PRKN: variants seen among roughly 807,000 people sequenced by gnomAD.
The protein encoded by PRKN is E3 ubiquitin-protein ligase parkin.
A neutral mutation model predicts 59.5 loss-of-function variants in PRKN; 56 were observed. The observed-to-expected ratio is 0.94, with a 90% CI of 0.76 to 1.18. The LOEUF is 1.18. PRKN is among the 50% of genes most tolerant of loss of function. PRKN has a pLI of 0.00. For synonymous variants in PRKN, 250 were observed against 222.1 expected (o/e 1.13, Z -1.12); for missense variants, 657 against 596.4 (o/e 1.10, Z -1.06).
intron 4 of PRKN, among the ~76,000 whole-genome samples, chr6:162,083,269 A>C (rs1369522267): frequency 4.6e-5 from 7 of 152,108 alleles, no homozygotes; most frequent in Admixed American, 3.9e-4. Context: ...TCACTCTAAC[A>C]GATTAATAAT....
At chr6:161,916,988 G>A (rs189723906) in intron 6 of PRKN, among the ~76,000 whole-genome samples, 73 of 151,976 alleles carry the variant, frequency 4.8e-4, no homozygotes, top group African/African-American at 1.5e-3. Context: ...ATTTTTAGTA[G>A]AGAGAGGGTT....
intron 2 of PRKN, among the ~76,000 whole-genome samples, chr6:162,321,061 T>C (rs1173667902): frequency 1.3e-5 from 2 of 151,570 alleles, no homozygotes; most frequent in Non-Finnish European, 1.5e-5. Context: ...AACAGAACAA[T>C]AGGAAAAAGA....
chr6:162,255,325 T>G (rs1779598722), intron 3 of PRKN, among the ~76,000 whole-genome samples: 1 of 152,106 alleles, frequency 6.6e-6, no homozygotes, highest in Non-Finnish European at 1.5e-5. Flanking sequence ...GGATAACAGA[T>G]AGTCAGCACT....
chr6:162,473,607 T>C (rs112383613), intron 1 of PRKN, among the ~76,000 whole-genome samples: 40 of 152,346 alleles, frequency 2.6e-4, no homozygotes, highest in African/African-American at 9.4e-4. Context: ...CAAAATATTA[T>C]GATTTCAACA....
chr6:162,682,988 C>T (rs1210903600), intron 1 of PRKN, among the ~76,000 whole-genome samples: 4 of 152,096 alleles, frequency 2.6e-5, no homozygotes, highest in African/African-American at 9.7e-5. Flanking sequence ...TATTCAGTAT[C>T]ACTAAAAATT....
intron 1 of PRKN, chr6:162,569,364 C>T: frequency 1.5e-6 from 1 of 646,552 alleles, no homozygotes; most frequent in Non-Finnish European, 3.0e-6. Context: ...CTGCAACAGG[C>T]CATGCAGGAC....
chr6:162,704,643 T>C (rs1221269801), intron 1 of PRKN, among the ~76,000 whole-genome samples: 1 of 152,212 alleles, frequency 6.6e-6, no homozygotes, highest in Non-Finnish European at 1.5e-5. Flanking sequence ...AATGTTACAA[T>C]TTATAAATAT....
chr6:162,284,307 G>A (rs992973026), intron 2 of PRKN, among the ~76,000 whole-genome samples: 6 of 136,322 alleles, frequency 4.4e-5, no homozygotes, highest in African/African-American at 1.1e-4. Context: ...TCACTGCAAC[G>A]TCCACCTCTC....
intron 4 of PRKN, among the ~76,000 whole-genome samples, chr6:162,104,646 G>T (rs1780114763): frequency 6.6e-6 from 1 of 152,124 alleles, no homozygotes; most frequent in Admixed American, 6.5e-5. Context: ...AGCAGGCCAG[G>T]CGTGGACTCT....
At chr6:161,687,604 G>A (rs1338292870) in intron 7 of PRKN, among the ~76,000 whole-genome samples, 2 of 150,800 alleles carry the variant, frequency 1.3e-5, no homozygotes, top group Non-Finnish European at 3.0e-5. Flanking sequence ...CTGCAGGCGC[G>A]AACCACCACG....
rs1015816656 is a variant in PRKN at position 161,396,282 on chromosome 6, G to C, written c.1084-9405C>G. Reference sequence around the variant, plus strand: ...CTAAGGTAGGACCTGGTTGCAAGCTGGAACTCTTGTTCAATGATATGTTCA... The same window carrying C: ...CTAAGGTAGGACCTGGTTGCAAGCTCGAACTCTTGTTCAATGATATGTTCA... On this transcript the variant is annotated intron_variant, in intron 9 of 11. Transcript: ENST00000366898. The surrounding 1 kb of genome is among the most constrained non-coding windows in gnomAD (Gnocchi z 5.4). Among the ~76,000 whole-genome samples, 4 of 152,126 alleles carry C rather than the reference G, an allele frequency of 2.6e-5. No individual in the cohort carries two copies. Among genetic ancestry groups the C allele is most frequent in the Non-Finnish European group, 5.9e-5 (4 of 68,020 alleles).
In PRKN at chr6:161,581,047, C is replaced by T. The variant is rs1188087318; in HGVS notation, c.872-11631G>A. Among the ~76,000 whole-genome samples the T allele has an allele frequency of 6.7e-6, 1 of 150,076 alleles. No individual in the cohort carries two copies. Among genetic ancestry groups the T allele is most frequent in the Non-Finnish European group, 1.5e-5 (1 of 67,592 alleles). On this transcript the variant is annotated intron_variant, in intron 7 of 11. Transcript: ENST00000366898. This position sits in a 1 kb window ranked among gnomAD's most constrained non-coding sequence, Gnocchi z 4.5. ...TGAAATCCTGTCTCTACTAAACACA[C>T]ACACACACACACACACACACACACA...
At chr6:162,262,475 A>C (rs1779931338) in intron 3 of PRKN, 50 bp downstream of exon 3, 1 of 1,611,408 alleles carries the variant, frequency 6.2e-7, no homozygotes, top group East Asian at 2.2e-5. Flanking sequence ...TGCAGACTGC[A>C]CTAAACAAAC....
chr6:162,275,461 A>G (rs1053798058), intron 2 of PRKN: 5 of 152,156 alleles, frequency 3.3e-5, no homozygotes, highest in Admixed American at 6.6e-5. Context: ...AGCAATGAAT[A>G]AAAATGCAAT....
intron 7 of PRKN, among the ~76,000 whole-genome samples, chr6:161,706,180 C>G (rs755045425): frequency 6.6e-6 from 1 of 152,302 alleles, no homozygotes; most frequent in African/African-American, 2.4e-5. Flanking sequence ...TCAACATCAA[C>G]TGGATGCTGT....
At chr6:162,120,295 T>C (rs1181425690) in intron 4 of PRKN, among the ~76,000 whole-genome samples, 1 of 152,254 alleles carries the variant, frequency 6.6e-6, no homozygotes, top group African/African-American at 2.4e-5. Context: ...TGAGCCACTG[T>C]GCTTGGCCCA....
rs540229581 is a variant in PRKN, at chr6:161,689,712, A to T, written c.871+96060T>A. 5.3e-5 allele frequency among the ~76,000 whole-genome samples: 8 copies of T among 152,188 alleles called. No homozygotes were observed. The East Asian group carries it at 1.5e-3, about 29-fold the overall frequency. ...AAATGTGAAAGTCATTCTATAAAGA[A>T]AAATTTTTTTTTTTGAGACAAGAGT... On this transcript the variant is annotated intron_variant, in intron 7 of 11. Transcript: ENST00000366898.
At chr6:162,234,066 G>A (rs1778536625) in intron 3 of PRKN, among the ~76,000 whole-genome samples, 1 of 152,106 alleles carries the variant, frequency 6.6e-6, no homozygotes, top group East Asian at 1.9e-4. Flanking sequence ...CATTCTATGA[G>A]GAAAAGAAAA....
chr6:161,788,453 T>A (rs1271443659), intron 6 of PRKN, among the ~76,000 whole-genome samples: 2 of 152,152 alleles, frequency 1.3e-5, no homozygotes, highest in African/African-American at 4.8e-5. Flanking sequence ...CAGCTGCAGA[T>A]GCGGTGGGTC....
Sources: allele counts gnomAD v4.1 joint callset (sites outside exome capture counted in the v4.1 genomes callset), GRCh38; gene constraint gnomAD v4.1.1; non-coding constraint Gnocchi (gnomAD v3.1); transcripts MANE v1.5; gene names NCBI Gene and HGNC (gene_info 2026-07-23, HGNC 2026-07-21).